SACM1L: variants seen among roughly 807,000 people sequenced by gnomAD.
SACM1L encodes the protein phosphatidylinositol-3-phosphatase SAC1.
SACM1L carries 32 observed loss-of-function variants against 89.5 expected under a neutral mutation model. That is an observed-to-expected ratio of 0.36 (90% CI 0.27 to 0.48). The LOEUF is 0.48. SACM1L is among the 20% of genes least tolerant of loss of function. SACM1L has a pLI of 0.99. For synonymous variants in SACM1L, 213 were observed against 232.8 expected (o/e 0.92, Z 0.77); for missense variants, 543 against 708.5 (o/e 0.77, Z 2.65).
chr3:45,717,215 C>G (rs565665814), intron 7 of SACM1L, among the ~76,000 whole-genome samples: 4 of 152,190 alleles, frequency 2.6e-5, no homozygotes, highest in East Asian at 3.8e-4. Context: ...TTTTGAAAAG[C>G]ATTTGGTGTT....
intron 14 of SACM1L, 38 bp downstream of exon 14, chr3:45,735,411 A>T: frequency 6.7e-7 from 1 of 1,492,452 alleles, no homozygotes; most frequent in Non-Finnish European, 8.9e-7. Context: ...GAAAAACAAC[A>T]CAGCAAAAAA....
chr3:45,732,008 A>G, intron 12 of SACM1L, 45 bp from the exon 13 acceptor site: 1 of 1,148,210 alleles, frequency 8.7e-7, no homozygotes, highest in Non-Finnish European at 1.3e-6. Context: ...TAGAAGGAAA[A>G]TGAATGATCT....
intron 4 of SACM1L, 120 bp from the exon 5 acceptor site, chr3:45,709,378 A>G (rs1698470473): frequency 1.2e-6 from 1 of 816,810 alleles, no homozygotes; most frequent in Non-Finnish European, 1.9e-6. Flanking sequence ...TCACTGGCTC[A>G]GTCCTTGTGC....
intron 7 of SACM1L, among the ~76,000 whole-genome samples, chr3:45,716,707 A>AGG (rs1252288856): frequency 6.6e-6 from 1 of 151,916 alleles, no homozygotes; most frequent in African/African-American, 2.4e-5. Context: ...ATGGGCCATG[A>AGG]GGGGGATGAG....
At position 45,737,660 on chromosome 3, in the gene SACM1L, A is replaced by G; in HGVS notation, c.1309+8A>G. On this transcript the variant is annotated splice_region_variant and intron_variant, in intron 15 of 19. Transcript: ENST00000389061. Reference sequence around the variant, plus strand: ...AGAAGATTTACAAAAATGGTAGGTCATTTCTTTAATATAGACAAAGTTGGT... The same window carrying G: ...AGAAGATTTACAAAAATGGTAGGTCGTTTCTTTAATATAGACAAAGTTGGT... 6.3e-7 allele frequency: 1 copy of G among 1,588,082 alleles called. No individual in the cohort carries two copies. The highest frequency in any genetic ancestry group is 8.5e-7 in the Non-Finnish European group (1 of 1,170,596).
chr3:45,725,684 CT>C lies in SACM1L; in HGVS notation c.921+2152del, dbSNP rs955751608. 3.3e-4 allele frequency among the ~76,000 whole-genome samples: 49 copies of C among 149,616 alleles called. No individual in the cohort carries two copies. The East Asian group carries it at 7.8e-3, about 24-fold the overall frequency. On this transcript the variant is annotated intron_variant, in intron 11 of 19. Coordinates refer to ENST00000389061, the MANE Select transcript of SACM1L (RefSeq NM_014016.5). ...ATGCTTCCTTTCCAATTTGGATGCC[CT>C]TTTTTTTTTTCTTGCCTAATTGGTG...
chr3:45,704,292 C>T (rs1698337062), intron 2 of SACM1L, among the ~76,000 whole-genome samples: 1 of 152,084 alleles, frequency 6.6e-6, no homozygotes, highest in Admixed American at 6.5e-5. Context: ...AGTAGGCATT[C>T]AGTAAATAGC....
At chr3:45,738,967 T>TTTATATTTCA (rs1333727854) in intron 18 of SACM1L, 94 bp downstream of exon 18, 1 of 749,930 alleles carries the variant, frequency 1.3e-6, no homozygotes, top group African/African-American at 1.8e-5. Flanking sequence ...TATATGTGGT[T>TTTATATTTCA]TTATATTTCA....
Position 45,744,336 on chromosome 3 carries a change from A to G in SACM1L, c.*667A>G, listed in dbSNP as rs1699379705. 6.6e-6 allele frequency: 1 copy of G among 152,594 alleles called. No homozygotes were observed. The highest frequency in any genetic ancestry group is 2.4e-5 in the African/African-American group (1 of 41,458). The allele number at this position is 152,594 out of a possible 1,614,324, so 9.5% of individuals were successfully genotyped here. Reference sequence around the variant, plus strand: ...TTAGGTGTGATGAGAGAATTCAGATATACTTTATCTTTTTAAAAAAGTGTA... The same window carrying G: ...TTAGGTGTGATGAGAGAATTCAGATGTACTTTATCTTTTTAAAAAAGTGTA... On this transcript the variant is annotated 3_prime_UTR_variant, in exon 20 of 20. Transcript: ENST00000389061.
chr3:45,699,287 AT>A (rs202071782), intron 1 of SACM1L, among the ~76,000 whole-genome samples: 30 of 147,068 alleles, frequency 2.0e-4, no homozygotes, highest in Middle Eastern at 3.4e-3. Flanking sequence ...TATAATTAAA[AT>A]AAATAAATAA....
At chr3:45,731,730 T>G (rs906526234) in intron 12 of SACM1L, among the ~76,000 whole-genome samples, 4 of 152,216 alleles carry the variant, frequency 2.6e-5, no homozygotes, top group Admixed American at 2.6e-4. Flanking sequence ...CTTACTTCAC[T>G]ACCATTTGTT....
intron 8 of SACM1L, among the ~76,000 whole-genome samples, chr3:45,721,614 T>C (rs1322369066): frequency 1.3e-5 from 2 of 152,246 alleles, no homozygotes; most frequent in African/African-American, 4.8e-5. Context: ...TAGTTTTACC[T>C]TTCAAACTAG....
intron 11 of SACM1L, among the ~76,000 whole-genome samples, chr3:45,730,989 G>A (rs112605578): frequency 6.9e-4 from 105 of 152,294 alleles, no homozygotes; most frequent in Middle Eastern, 3.4e-3. Context: ...CTGAGAACCC[G>A]GTTATTCCCT....
intron 13 of SACM1L, among the ~76,000 whole-genome samples, chr3:45,733,246 G>A (rs143993166): frequency 5.3e-5 from 8 of 152,298 alleles, no homozygotes; most frequent in African/African-American, 1.7e-4. Flanking sequence ...ATGATCTCTC[G>A]AGACTTTTTT....
chr3:45,709,639 T>C lies in SACM1L; in HGVS notation c.475T>C (p.Leu159=). 1 of 1,612,498 alleles carries C rather than the reference T, an allele frequency of 6.2e-7. No individual in the cohort carries two copies. The highest frequency in any genetic ancestry group is 8.5e-7 in the Non-Finnish European group (1 of 1,179,396). ...TSPEFQEMSL[L]ERADQRFVWN... ...TCCTGAATTCCAAGAAATGAGTCTC[T>C]TGGAAAGGGTAAGCTTGATCTTCAA... The change falls in exon 5 of 20, where the codon TTG becomes CTG. Residue 159 remains leucine (L), a synonymous_variant. Coordinates refer to ENST00000389061, the MANE Select transcript of SACM1L (RefSeq NM_014016.5).
chr3:45,699,434 A>G (rs1050205759), intron 1 of SACM1L, among the ~76,000 whole-genome samples: 3 of 150,080 alleles, frequency 2.0e-5, no homozygotes, highest in African/African-American at 7.3e-5. Context: ...CTTTATAAAA[A>G]TGTTTTGTTT....
chr3:45,739,917 T>C, intron 19 of SACM1L: 1 of 468,434 alleles, frequency 2.1e-6, no homozygotes, highest in Non-Finnish European at 3.8e-6. Flanking sequence ...CTCAGTCAGT[T>C]TAGAGGCTTA....
At chr3:45,737,471 T>A in intron 14 of SACM1L, 112 bp from the exon 15 acceptor site, 1 of 1,056,314 alleles carries the variant, frequency 9.5e-7, no homozygotes, top group South Asian at 1.4e-5. Flanking sequence ...ATTTCTGGCC[T>A]GCATCCAGCA....
chr3:45,745,091 A>AT lies in SACM1L; in HGVS notation c.*1423dup, dbSNP rs1386238414. The AT allele has an allele frequency of 3.9e-5, 6 of 152,262 alleles. No individual in the cohort carries two copies. The highest frequency in any genetic ancestry group is 1.4e-4 in the African/African-American group (6 of 41,474). 9.4% of individuals were successfully genotyped at this position (152,262 alleles called of 1,614,324 possible). A position where few individuals can be genotyped will look rare whatever the true frequency, so the allele number is the denominator to read the frequency against. ...TTTAAAATCAGTCATTAAACTCACAATAGGGTAAGTAAATATAGCCACCTG... is the reference window on the plus strand; with the variant it reads ...TTTAAAATCAGTCATTAAACTCACAATTAGGGTAAGTAAATATAGCCACCTG... On this transcript the variant is annotated 3_prime_UTR_variant, in exon 20 of 20. Transcript: ENST00000389061.
Sources: allele counts gnomAD v4.1 joint callset (sites outside exome capture counted in the v4.1 genomes callset), GRCh38; gene constraint gnomAD v4.1.1; transcripts MANE v1.5; gene names NCBI Gene and HGNC (gene_info 2026-07-23, HGNC 2026-07-21).